DLG1: variants seen among roughly 807,000 people sequenced by gnomAD.
DLG1 encodes discs large MAGUK scaffold protein 1, also known as disks large homolog 1.
In DLG1, 42 loss-of-function variants were observed where a neutral mutation model predicts 123.4. The observed-to-expected ratio is 0.34, with a 90% confidence interval of 0.27 to 0.44. DLG1 has a LOEUF of 0.44. Among genes scored for constraint, DLG1 ranks in the 20% least tolerant of loss-of-function variants. DLG1 has a pLI of 1.00. For synonymous variants in DLG1, 317 were observed against 356.2 expected (o/e 0.89, Z 1.24); for missense variants, 942 against 1,082.6 (o/e 0.87, Z 1.82).
intron 5 of DLG1, among the ~76,000 whole-genome samples, chr3:197,155,624 TA>T (rs1316523138): frequency 6.6e-4 from 95 of 143,230 alleles, no homozygotes; most frequent in Non-Finnish European, 6.8e-4. Flanking sequence ...TTTTCAAATT[TA>T]AAAAAAAAAA....
intron 4 of DLG1, among the ~76,000 whole-genome samples, chr3:197,240,069 A>C (rs1369661532): frequency 6.6e-6 from 1 of 152,202 alleles, no homozygotes; most frequent in Admixed American, 6.5e-5. Flanking sequence ...ATGCATCTCA[A>C]ATGCCAGAAG....
chr3:197,048,876 C>CG (rs1262424410), intron 24 of DLG1, among the ~76,000 whole-genome samples: 1 of 152,082 alleles, frequency 6.6e-6, no homozygotes, highest in African/African-American at 2.4e-5. Context: ...AGGCTGGTCT[C>CG]GGACTCCTGA....
At chr3:197,098,654 C>T (rs1257813472) in intron 14 of DLG1, among the ~76,000 whole-genome samples, 3 of 152,144 alleles carry the variant, frequency 2.0e-5, no homozygotes, top group Admixed American at 2.0e-4. Flanking sequence ...TGTGCCTCAG[C>T]CTCCTCAGTA....
intron 6 of DLG1, among the ~76,000 whole-genome samples, chr3:197,147,101 A>T (rs1437137668): frequency 6.6e-6 from 1 of 152,114 alleles, no homozygotes; most frequent in African/African-American, 2.4e-5. Flanking sequence ...ATATTACCTT[A>T]CCCCTGCAAG....
rs1040662060 is a variant in DLG1 at position 197,166,367 on chromosome 3, T to C, written c.484-16571A>G. Among the ~76,000 whole-genome samples, 8 of 152,080 alleles carry C rather than the reference T, an allele frequency of 5.3e-5. No individual in the cohort carries two copies. In the South Asian group the frequency reaches 1.2e-3, roughly 24 times the overall value. On this transcript the variant is annotated intron_variant, in intron 5 of 24. Transcript: ENST00000667157. ...AAAGGCAGTTATAAATATGAAAAGATAGAAAATTAGCATGAGACCTATGGT... is the reference window on the plus strand; with the variant it reads ...AAAGGCAGTTATAAATATGAAAAGACAGAAAATTAGCATGAGACCTATGGT...
chr3:197,065,360 C>T lies in DLG1; in HGVS notation c.2289G>A (p.Gln763=). The T allele has an allele frequency of 6.2e-7, 1 of 1,612,960 alleles. No individual in the cohort carries two copies. The highest frequency in any genetic ancestry group is 8.5e-7 in the Non-Finnish European group (1 of 1,179,584). ...GGCCAGCTTCAATGAATTTATGTTC[C>T]TGGATATCTTTTTCCATCTGCTCTC... is the stretch of plus-strand genomic sequence containing the variant. ...TSREQMEKDI[Q]EHKFIEAGQY... The change falls in exon 22 of 25, where the codon CAG becomes CAA. Residue 763 remains glutamine, a synonymous_variant. Coordinates refer to ENST00000667157, the MANE Select transcript of DLG1 (RefSeq NM_001366207.1).
chr3:197,048,743 C>T (rs984597884), intron 24 of DLG1, among the ~76,000 whole-genome samples: 1 of 152,144 alleles, frequency 6.6e-6, no homozygotes, highest in Non-Finnish European at 1.5e-5. Context: ...GCAACCTCCG[C>T]TTCCCAGGTT....
intron 4 of DLG1, among the ~76,000 whole-genome samples, chr3:197,218,921 C>T (rs1460111276): frequency 2.0e-5 from 3 of 152,110 alleles, no homozygotes; most frequent in Non-Finnish European, 2.9e-5. Context: ...CACCTGAGGT[C>T]GGGAATTCAA....
At chr3:197,206,591 A>G (rs903025640) in intron 4 of DLG1, among the ~76,000 whole-genome samples, 1 of 152,194 alleles carries the variant, frequency 6.6e-6, no homozygotes, top group African/African-American at 2.4e-5. Context: ...ATGAGCCTTG[A>G]TTTATAGTAT....
intron 16 of DLG1, 179 bp downstream of exon 16, chr3:197,085,401 G>C: frequency 1.6e-6 from 1 of 609,976 alleles, no homozygotes; most frequent in Non-Finnish European, 2.8e-6. Flanking sequence ...GTATGACTTC[G>C]ACTACTTTAG....
chr3:197,139,678 A>T (rs3773851), intron 8 of DLG1, among the ~76,000 whole-genome samples: 70,015 of 152,024 alleles, frequency 0.46, 16,758 homozygotes, highest in East Asian at 0.74. Flanking sequence ...TGTGGGATTC[A>T]ACATGGATGT....
At chr3:197,274,031 A>G (rs1765214389) in intron 4 of DLG1, among the ~76,000 whole-genome samples, 1 of 152,206 alleles carries the variant, frequency 6.6e-6, no homozygotes, top group Non-Finnish European at 1.5e-5. Flanking sequence ...CATACTAACC[A>G]AAGCAATATA....
At chr3:197,201,909 T>C (rs910284548) in intron 4 of DLG1, among the ~76,000 whole-genome samples, 1 of 151,348 alleles carries the variant, frequency 6.6e-6, no homozygotes, top group Non-Finnish European at 1.5e-5. Context: ...AGACAAATAC[T>C]GCATGCTCTC....
At chr3:197,149,040 TAAC>T (rs1414225566) in intron 6 of DLG1, among the ~76,000 whole-genome samples, 5 of 152,214 alleles carry the variant, frequency 3.3e-5, no homozygotes, top group Non-Finnish European at 5.9e-5. Flanking sequence ...TTTTTTACCT[TAAC>T]AAATTATGTT....
At chr3:197,217,251 T>C (rs1408178772) in intron 4 of DLG1, among the ~76,000 whole-genome samples, 2 of 152,136 alleles carry the variant, frequency 1.3e-5, no homozygotes, top group African/African-American at 2.4e-5. Flanking sequence ...CAAAGGTGGA[T>C]GAAAGGAAAC....
intron 4 of DLG1, among the ~76,000 whole-genome samples, chr3:197,229,017 G>A (rs3010115): frequency 0.13 from 19,755 of 152,030 alleles, 1,723 homozygotes; most frequent in South Asian, 0.34. Flanking sequence ...ACAACTTTGC[G>A]CCCCCAGGGA....
At chr3:197,165,684 T>C (rs1561178889) in intron 5 of DLG1, among the ~76,000 whole-genome samples, 1 of 152,204 alleles carries the variant, frequency 6.6e-6, no homozygotes, top group Non-Finnish European at 1.5e-5. Flanking sequence ...CTGCAATATT[T>C]ACATGGCCTT....
intron 4 of DLG1, among the ~76,000 whole-genome samples, chr3:197,229,797 T>C (rs545615919): frequency 1.2e-4 from 19 of 152,358 alleles, no homozygotes; most frequent in African/African-American, 4.6e-4. Context: ...ATCGCCTTAC[T>C]TAATCCAAAT....
At chr3:197,170,981 T>C (rs1803902749) in intron 5 of DLG1, among the ~76,000 whole-genome samples, 1 of 152,194 alleles carries the variant, frequency 6.6e-6, no homozygotes, top group African/African-American at 2.4e-5. Context: ...ATATCTTAGA[T>C]GGCAAGGAAA....
Sources: gnomAD v4.1 joint callset for allele counts (sites outside exome capture counted in the v4.1 genomes callset) on GRCh38, gnomAD v4.1.1 for gene constraint, MANE v1.5 for transcripts, NCBI Gene and HGNC (gene_info 2026-07-23, HGNC 2026-07-21) for gene names.